Variants in ZNF83 observed in about 807,000 individuals in gnomAD.
The protein encoded by ZNF83 is zinc finger protein 83.
For synonymous variants in ZNF83, 209 were observed against 213.0 expected (o/e 0.98, Z 0.17); for missense variants, 552 against 629.9 (o/e 0.88, Z 1.32).
intron 2 of ZNF83, among the ~76,000 whole-genome samples, chr19:52,632,221 T>G (rs2060996227): frequency 6.6e-6 from 1 of 152,196 alleles, no homozygotes; most frequent in South Asian, 2.1e-4. Flanking sequence ...TTTTTCAGGC[T>G]TAGTATTCAG....
At chr19:52,655,571 C>T in exon 3 of ZNF83, 1 of 1,501,522 alleles carries the variant, frequency 6.7e-7, no homozygotes, top group Non-Finnish European at 9.3e-7. Context: ...CCACAGACTC[C>T]AGGTTCCTGT....
chr19:52,620,629 A>T (rs916285064), intron 2 of ZNF83, among the ~76,000 whole-genome samples: 5 of 152,204 alleles, frequency 3.3e-5, no homozygotes, highest in African/African-American at 1.2e-4. Context: ...AGCAGGATGA[A>T]ATATCAGAGT....
intron 3 of ZNF83, among the ~76,000 whole-genome samples, chr19:52,646,859 G>A (rs889060919): frequency 2.0e-5 from 3 of 152,260 alleles, no homozygotes; most frequent in Non-Finnish European, 2.9e-5. Flanking sequence ...CATCTGCAAG[G>A]TCACAGCTAA....
chr19:52,613,899 T>C, exon 3 of ZNF83: 3 of 1,613,818 alleles, frequency 1.9e-6, no homozygotes, highest in South Asian at 1.1e-5. Context: ...TTGTCCGATG[T>C]TGTGCAAGGT....
intron 3 of ZNF83, among the ~76,000 whole-genome samples, chr19:52,653,615 T>A (rs1430541646): frequency 1.3e-5 from 2 of 152,188 alleles, no homozygotes; most frequent in Non-Finnish European, 2.9e-5. Flanking sequence ...AGGGATGACG[T>A]CTGACTGAAG....
exon 3 of ZNF83, chr19:52,614,797 C>T (rs1478017377): frequency 4.7e-6 from 6 of 1,281,128 alleles, no homozygotes; most frequent in East Asian, 2.9e-5. Flanking sequence ...AGAAAAAATA[C>T]CTACAAGATA....
At chr19:52,620,228 GTATATGTA>G (rs138315939) in intron 2 of ZNF83, among the ~76,000 whole-genome samples, 28,343 of 149,564 alleles carry the variant, frequency 0.19, 2,787 homozygotes, top group Middle Eastern at 0.28. Flanking sequence ...GTGTGTATGT[GTATATGTA>G]TATATGTGTG....
chr19:52,674,656 A>G (rs1284171438), intron 1 of ZNF83, among the ~76,000 whole-genome samples: 1 of 152,104 alleles, frequency 6.6e-6, no homozygotes, highest in African/African-American at 2.4e-5. Context: ...AATTAAGAAA[A>G]CACTTCCATT....
upstream of ZNF83, among the ~76,000 whole-genome samples, chr19:52,641,352 T>C (rs1211571465): frequency 6.6e-6 from 1 of 152,218 alleles, no homozygotes; most frequent in Non-Finnish European, 1.5e-5. Context: ...AGTGAAATAT[T>C]AGGAAGTTTC....
chr19:52,656,418 G>A (rs2061505573), intron 2 of ZNF83, among the ~76,000 whole-genome samples: 1 of 152,116 alleles, frequency 6.6e-6, no homozygotes, highest in South Asian at 2.1e-4. Context: ...CCAGCTATTT[G>A]GGAAGCCGAG....
chr19:52,655,347 G>A lies in ZNF83; in HGVS notation c.-74+214C>T, dbSNP rs2061491809. 4 of 456,028 alleles carry A rather than the reference G, an allele frequency of 8.8e-6. No individual in the cohort carries two copies. In the East Asian group the frequency reaches 1.6e-4, roughly 18 times the overall value. 28.2% of individuals were successfully genotyped at this position (456,028 alleles called of 1,614,324 possible). On this transcript the variant is annotated intron_variant, in intron 3 of 5. Coordinates refer to the ZNF83 transcript ENST00000594682. Reference sequence around the variant, plus strand: ...ATGACGTTCAATTCTATTAGTCAAAGTGTTCATGAATGTTCTGTTTTTATG... The same window carrying A: ...ATGACGTTCAATTCTATTAGTCAAAATGTTCATGAATGTTCTGTTTTTATG...
intron 2 of ZNF83, among the ~76,000 whole-genome samples, chr19:52,626,972 C>G (rs1344155870): frequency 1.3e-5 from 2 of 152,158 alleles, no homozygotes; most frequent in Non-Finnish European, 2.9e-5. Flanking sequence ...AGAAGTGAAA[C>G]AGCCAGCCCC....
At chr19:52,687,616 G>GTATATATATATAATGTATATATA (rs2062062111) in intron 1 of ZNF83, among the ~76,000 whole-genome samples, 1 of 15,822 alleles carries the variant, frequency 6.3e-5, no homozygotes, top group Non-Finnish European at 1.1e-4. Context: ...TATATAATGT[G>GTATATATATATAATGTATATATA]TATATATATA....
chr19:52,618,870 GAAAC>G (rs2060422309), intron 2 of ZNF83: 1 of 1,519,808 alleles, frequency 6.6e-7, no homozygotes, highest in Non-Finnish European at 9.0e-7. Flanking sequence ...ACTCCCAAGA[GAAAC>G]AAGAGAAAAT....
chr19:52,631,453 C>T (rs2060957883), intron 2 of ZNF83, among the ~76,000 whole-genome samples: 2 of 152,090 alleles, frequency 1.3e-5, no homozygotes, highest in African/African-American at 4.8e-5. Flanking sequence ...CTTTTAGAGG[C>T]CCTCAAAATC....
At chr19:52,642,573 G>A (rs1312794951), upstream of ZNF83, among the ~76,000 whole-genome samples, 1 of 152,090 alleles carries the variant, frequency 6.6e-6, no homozygotes, top group Non-Finnish European at 1.5e-5. Context: ...AATAAAACGG[G>A]AGGCAAGTTT....
At chr19:52,644,242 G>A (rs1330886629) in intron 3 of ZNF83, among the ~76,000 whole-genome samples, 1 of 150,644 alleles carries the variant, frequency 6.6e-6, no homozygotes, top group African/African-American at 2.5e-5. Context: ...CAACTGGACA[G>A]TCCCCTCTCA....
At chr19:52,674,118 C>T (rs1411774293) in intron 1 of ZNF83, 2 of 151,934 alleles carry the variant, frequency 1.3e-5, no homozygotes, top group Admixed American at 1.3e-4. Flanking sequence ...TGGCTCTAGA[C>T]CAAATCCACA....
intron 2 of ZNF83, 116 bp from the exon 3 acceptor site, chr19:52,614,913 A>G (rs1170853677): frequency 1.0e-6 from 1 of 1,000,208 alleles, no homozygotes; most frequent in East Asian, 3.3e-5. Flanking sequence ...GAAAGTTATA[A>G]AACTCCCATT....
Sources: gnomAD v4.1 joint callset for allele counts (sites outside exome capture counted in the v4.1 genomes callset) on GRCh38, gnomAD v4.1.1 for gene constraint, MANE v1.5 for transcripts, NCBI Gene and HGNC (gene_info 2026-07-23, HGNC 2026-07-21) for gene names.